FNDC3A: variants seen among roughly 807,000 people sequenced by gnomAD.
The protein encoded by FNDC3A is fibronectin type-III domain-containing protein 3A.
A neutral mutation model predicts 148.9 loss-of-function variants in FNDC3A; 32 were observed. That is an observed-to-expected ratio of 0.21 (90% CI 0.16 to 0.29). The LOEUF (loss-of-function observed/expected upper bound fraction) is 0.29. Among genes scored for constraint, FNDC3A ranks in the 10% least tolerant of loss-of-function variants. The pLI is 1.00. For missense variants in FNDC3A, 1,191 were observed against 1,452.8 expected, an observed-to-expected ratio of 0.82 and a Z score of 2.93; for synonymous variants, 472 against 473.6, an observed-to-expected ratio of 1.00 and a Z score of 0.04.
chr13:49,156,511 T>G (rs1368295087), intron 8 of FNDC3A, among the ~76,000 whole-genome samples: 1 of 150,548 alleles, frequency 6.6e-6, no homozygotes, highest in Non-Finnish European at 1.5e-5. Context: ...GAGCATTAAG[T>G]CCATTTACAT....
At chr13:49,033,251 C>T (rs1874257298) in intron 2 of FNDC3A, among the ~76,000 whole-genome samples, 1 of 152,118 alleles carries the variant, frequency 6.6e-6, no homozygotes, top group Non-Finnish European at 1.5e-5. Flanking sequence ...ACTGGATTAT[C>T]TAGAAGCAGA....
chr13:48,981,443 G>A (rs1477849999), intron 1 of FNDC3A, among the ~76,000 whole-genome samples: 1 of 150,430 alleles, frequency 6.6e-6, no homozygotes, highest in African/African-American at 2.4e-5. Context: ...CCATAAAAGT[G>A]CTTACATTAA....
chr13:49,096,120 G>A (rs573213153), intron 3 of FNDC3A, among the ~76,000 whole-genome samples: 95 of 152,216 alleles, frequency 6.2e-4, no homozygotes, highest in African/African-American at 2.0e-3. Flanking sequence ...ATCTAGAGAA[G>A]TGTGACTTGT....
At chr13:49,154,202 T>C (rs1202127887) in intron 8 of FNDC3A, among the ~76,000 whole-genome samples, 1 of 150,230 alleles carries the variant, frequency 6.7e-6, no homozygotes, top group Non-Finnish European at 1.5e-5. Context: ...CATTGAGCAG[T>C]GGTTTGTAGT....
In FNDC3A at chr13:49,149,951, G is replaced by C. The variant is rs184994717; in HGVS notation, c.977+4016G>C. Among the ~76,000 whole-genome samples, 17 of 152,294 alleles carry C rather than the reference G, an allele frequency of 1.1e-4. No homozygotes were observed. The East Asian group carries it at 2.9e-3, about 26-fold the overall frequency. On this transcript the variant is annotated intron_variant, in intron 8 of 25. Transcript: ENST00000492622. ...ATCTAGGAATTTGTCCACTTCCTCAGATTTTTCAGTTTGTTGGTGTAGGTT... is the reference window on the plus strand; with the variant it reads ...ATCTAGGAATTTGTCCACTTCCTCACATTTTTCAGTTTGTTGGTGTAGGTT...
intron 2 of FNDC3A, among the ~76,000 whole-genome samples, chr13:49,023,754 A>G (rs1873497964): frequency 6.6e-6 from 1 of 151,976 alleles, no homozygotes; most frequent in Non-Finnish European, 1.5e-5. Flanking sequence ...CACTGTATAA[A>G]TAGGGAAATG....
At chr13:49,187,355 TAA>T in intron 16 of FNDC3A, 165 bp downstream of exon 16, 1 of 820,812 alleles carries the variant, frequency 1.2e-6, no homozygotes, top group Non-Finnish European at 1.9e-6. Flanking sequence ...TTTTTTTTTT[TAA>T]TGTCATAAGT....
At chr13:49,010,885 T>C (rs777395355) in intron 2 of FNDC3A, among the ~76,000 whole-genome samples, 5 of 152,234 alleles carry the variant, frequency 3.3e-5, no homozygotes, top group African/African-American at 4.8e-5. Context: ...GATATTTACA[T>C]AAATTAAACT....
chr13:49,102,043 G>A (rs1879891057), intron 3 of FNDC3A, among the ~76,000 whole-genome samples: 2 of 151,732 alleles, frequency 1.3e-5, no homozygotes, highest in Non-Finnish European at 2.9e-5. Context: ...TCACTGTTTT[G>A]CCCAGGCTGG....
chr13:48,992,025 T>C (rs1408432508), intron 1 of FNDC3A, among the ~76,000 whole-genome samples: 1 of 152,234 alleles, frequency 6.6e-6, no homozygotes, highest in Non-Finnish European at 1.5e-5. Context: ...TATGGATACT[T>C]GATGTATGGT....
Position 49,106,592 on chromosome 13 carries a change from C to T in FNDC3A, c.176-8063C>T, listed in dbSNP as rs55659147. ...TCCCAAAGTGCCGGCATTACAGGCG[C>T]GAAGCAGCACACCCAGCCTCTCTTT... On this transcript the variant is annotated intron_variant, in intron 3 of 25. Coordinates refer to ENST00000492622, the MANE Select transcript of FNDC3A (RefSeq NM_001079673.2). 5.5e-3 allele frequency among the ~76,000 whole-genome samples: 833 copies of T among 152,240 alleles called. 8 individuals carry two copies. The highest frequency in any genetic ancestry group is 0.019 in the African/African-American group (796 of 41,542).
chr13:48,995,538 C>T (rs117122115), intron 1 of FNDC3A, among the ~76,000 whole-genome samples: 2 of 152,144 alleles, frequency 1.3e-5, no homozygotes, highest in African/African-American at 2.4e-5. Flanking sequence ...GTCTTCTTAC[C>T]ATCCTCCTCC....
chr13:48,999,079 A>G (rs1023841295), intron 1 of FNDC3A, among the ~76,000 whole-genome samples: 1 of 152,208 alleles, frequency 6.6e-6, no homozygotes, highest in Non-Finnish European at 1.5e-5. Flanking sequence ...AAAGGGCAGG[A>G]CTGCCCCGCA....
intron 2 of FNDC3A, chr13:49,044,669 C>CAAA: frequency 5.3e-6 from 1 of 187,646 alleles, no homozygotes; most frequent in Non-Finnish European, 1.1e-5. Context: ...GACTCTGTCT[C>CAAA]AAAAAAAAAA....
intron 2 of FNDC3A, among the ~76,000 whole-genome samples, chr13:49,073,028 C>T (rs952707275): frequency 5.3e-5 from 8 of 152,128 alleles, no homozygotes; most frequent in African/African-American, 9.7e-5. Context: ...ACACTTACAG[C>T]GCATATCCAT....
intron 2 of FNDC3A, among the ~76,000 whole-genome samples, chr13:49,040,956 C>T (rs917271826): frequency 2.0e-5 from 3 of 152,120 alleles, no homozygotes; most frequent in Admixed American, 6.6e-5. Flanking sequence ...GTTCTTCTTT[C>T]ACTCTTCCCT....
intron 8 of FNDC3A, among the ~76,000 whole-genome samples, chr13:49,157,289 ACCCTT>A (rs1306089089): frequency 8.1e-5 from 10 of 123,836 alleles, no homozygotes; most frequent in African/African-American, 2.9e-4. Context: ...CATTGCTGAT[ACCCTT>A]TCTTCCAGTT....
chr13:49,016,820 T>C (rs1282443877), intron 2 of FNDC3A, among the ~76,000 whole-genome samples: 1 of 152,032 alleles, frequency 6.6e-6, no homozygotes, highest in Non-Finnish European at 1.5e-5. Flanking sequence ...CTCGTTGGTT[T>C]CAAAGAACAT....
At chr13:49,163,058 G>C (rs943685852) in intron 8 of FNDC3A, among the ~76,000 whole-genome samples, 4 of 152,188 alleles carry the variant, frequency 2.6e-5, no homozygotes, top group African/African-American at 9.7e-5. Context: ...CTACTGGGAG[G>C]TGTCTCCCAG....
Sources: allele counts gnomAD v4.1 joint callset (sites outside exome capture counted in the v4.1 genomes callset), GRCh38; gene constraint gnomAD v4.1.1; transcripts MANE v1.5; gene names NCBI Gene and HGNC (gene_info 2026-07-23, HGNC 2026-07-21).